The following LRMDA variants were observed in gnomAD, a reference collection of about 807,000 sequenced individuals.
The protein encoded by LRMDA is leucine-rich melanocyte differentiation-associated protein.
A neutral mutation model predicts 29.8 loss-of-function variants in LRMDA; 18 were observed. That is an observed-to-expected ratio of 0.60 (90% confidence interval 0.42 to 0.90). LRMDA has a LOEUF of 0.90. Ranked by LOEUF, LRMDA falls within the 40% of genes least tolerant of loss-of-function variation. The pLI, the probability that LRMDA is intolerant of heterozygous loss-of-function variation, is 0.00. For missense variants in LRMDA, 273 were observed against 273.9 expected, an observed-to-expected ratio of 1.00 and a Z score of 0.02; for synonymous variants, 125 against 109.4, an observed-to-expected ratio of 1.14 and a Z score of -0.89.
intron 6 of LRMDA, among the ~76,000 whole-genome samples, chr10:76,505,563 C>T (rs760084914): frequency 5.9e-5 from 9 of 151,990 alleles, no homozygotes; most frequent in Non-Finnish European, 1.3e-4. Flanking sequence ...GTTAATGCTT[C>T]TTATTGTATT....
At chr10:75,680,854 A>T (rs967119875) in intron 2 of LRMDA, among the ~76,000 whole-genome samples, 3 of 152,182 alleles carry the variant, frequency 2.0e-5, no homozygotes, top group African/African-American at 7.2e-5. Flanking sequence ...TATTAAAAAA[A>T]GTTTTCATTG....
At chr10:76,430,107 A>T (rs1842175637) in intron 6 of LRMDA, among the ~76,000 whole-genome samples, 1 of 152,210 alleles carries the variant, frequency 6.6e-6, no homozygotes, top group African/African-American at 2.4e-5. Context: ...TTTGTTTCAT[A>T]TTTAAACAGC....
intron 2 of LRMDA, among the ~76,000 whole-genome samples, chr10:75,844,264 C>G (rs1454180631): frequency 2.0e-5 from 3 of 152,152 alleles, no homozygotes; most frequent in Non-Finnish European, 4.4e-5. Flanking sequence ...TTTCGTGTGG[C>G]TTTTCTTCCC....
chr10:76,017,589 T>C (rs548081745), intron 2 of LRMDA, among the ~76,000 whole-genome samples: 1 of 152,342 alleles, frequency 6.6e-6, no homozygotes, highest in Admixed American at 6.5e-5. Context: ...GGTCTCCCAT[T>C]ACCTTCAGGA....
chr10:76,130,030 G>C (rs955331141), intron 5 of LRMDA, among the ~76,000 whole-genome samples: 1 of 151,910 alleles, frequency 6.6e-6, no homozygotes, highest in Admixed American at 6.6e-5. Context: ...TTTGTATTTT[G>C]AGGAGTACCT....
intron 5 of LRMDA, among the ~76,000 whole-genome samples, chr10:76,229,724 C>T (rs918241933): frequency 2.0e-5 from 3 of 152,002 alleles, no homozygotes; most frequent in African/African-American, 4.8e-5. Flanking sequence ...CTTCCGAGCC[C>T]GTGTCTTTGC....
Position 75,778,277 on chromosome 10 carries a change from C to T in LRMDA, c.132-257731C>T, listed in dbSNP as rs141443267. ...ATTTTTAGTAGGGACGGGGTTCCACCATGTTGGCCAAGATGATCTCGAACT... is the reference window on the plus strand; with the variant it reads ...ATTTTTAGTAGGGACGGGGTTCCACTATGTTGGCCAAGATGATCTCGAACT... On this transcript the variant is annotated intron_variant, in intron 2 of 6. Transcript: ENST00000611255. 2.9e-3 allele frequency among the ~76,000 whole-genome samples: 434 copies of T among 152,212 alleles called. 1 individual carries two copies. The highest frequency in any genetic ancestry group is 0.01 in the African/African-American group (421 of 41,532).
rs56910833 is a variant in LRMDA at position 75,552,425 on chromosome 10, T to TC, written c.131+113939dup. 4.5e-3 allele frequency: 1,092 copies of TC among 242,086 alleles called. 12 individuals are homozygous for TC. Among genetic ancestry groups the TC allele is most frequent in the African/African-American group, 0.025 (1,023 of 41,590 alleles). The allele number at this position is 242,086 out of a possible 1,614,324, so 15.0% of individuals were successfully genotyped here. On this transcript the variant is annotated intron_variant, in intron 2 of 6. Coordinates refer to ENST00000611255, the MANE Select transcript of LRMDA (RefSeq NM_001305581.2). ...AGCTTTGTTCTGTGTTTTTTTTTTT[T>TC]CCCCCCCCTCTGGCTGCTTTCAGAA...
At chr10:75,570,006 G>A (rs1176100265) in intron 2 of LRMDA, among the ~76,000 whole-genome samples, 1 of 152,140 alleles carries the variant, frequency 6.6e-6, no homozygotes, top group Non-Finnish European at 1.5e-5. Flanking sequence ...CTTTGCTTTG[G>A]GGTGTACACA....
At position 76,147,660 on chromosome 10, in the gene LRMDA, C is replaced by T. The variant is rs1010875867; in HGVS notation, c.516+88877C>T. Among the ~76,000 whole-genome samples the T allele has an allele frequency of 4.6e-5, 7 of 152,064 alleles. No homozygotes were observed. The South Asian group carries it at 1.5e-3, about 32-fold the overall frequency. On this transcript the variant is annotated intron_variant, in intron 5 of 6. Transcript: ENST00000611255. ...CTCCTGTAGCTCAGAGTAGTTTGAT[C>T]GTCTGAAGCCTTCTTCTCTCAACTC... is the stretch of plus-strand genomic sequence containing the variant.
intron 5 of LRMDA, among the ~76,000 whole-genome samples, chr10:76,187,380 C>T (rs758039905): frequency 2.0e-5 from 3 of 152,158 alleles, no homozygotes; most frequent in Non-Finnish European, 4.4e-5. Flanking sequence ...GGGCCCCTTG[C>T]TCCTTTCCTT....
chr10:76,249,613 C>T (rs1852436201), intron 5 of LRMDA, among the ~76,000 whole-genome samples: 1 of 152,128 alleles, frequency 6.6e-6, no homozygotes, highest in Non-Finnish European at 1.5e-5. Context: ...AAAATATTCA[C>T]CTTCTGACAA....
intron 2 of LRMDA, among the ~76,000 whole-genome samples, chr10:75,602,144 T>G (rs927249292): frequency 6.6e-6 from 1 of 152,022 alleles, no homozygotes; most frequent in Non-Finnish European, 1.5e-5. Context: ...CCTGAGACAT[T>G]TATAAAAATG....
chr10:76,452,835 A>T (rs1392125414), intron 6 of LRMDA, among the ~76,000 whole-genome samples: 5 of 152,226 alleles, frequency 3.3e-5, no homozygotes, highest in African/African-American at 7.2e-5. Context: ...ACTCATATTT[A>T]TCAAATAACC....
intron 2 of LRMDA, among the ~76,000 whole-genome samples, chr10:75,938,590 C>T (rs143636642): frequency 5.9e-5 from 9 of 152,266 alleles, no homozygotes; most frequent in African/African-American, 1.9e-4. Flanking sequence ...TCTGGAACTA[C>T]GAGACAGGAT....
chr10:75,799,682 G>T (rs1363227741), intron 2 of LRMDA, among the ~76,000 whole-genome samples: 2 of 46,438 alleles, frequency 4.3e-5, no homozygotes, highest in Non-Finnish European at 8.6e-5. Flanking sequence ...TCCTAGCTTT[G>T]TGTGTGTGTG....
At chr10:75,539,700 T>C (rs1238024315) in intron 2 of LRMDA, among the ~76,000 whole-genome samples, 1 of 152,216 alleles carries the variant, frequency 6.6e-6, no homozygotes, top group Non-Finnish European at 1.5e-5. Flanking sequence ...TAAATATATA[T>C]TTTCAGAAAG....
At position 76,462,950 on chromosome 10, in the gene LRMDA, C is replaced by T. The variant is rs115836335; in HGVS notation, c.602-94259C>T. Among the ~76,000 whole-genome samples the T allele has an allele frequency of 3.9e-5, 6 of 152,266 alleles. No individual in the cohort carries two copies. The East Asian group carries it at 5.8e-4, about 15-fold the overall frequency. On this transcript the variant is annotated intron_variant, in intron 6 of 6. Transcript: ENST00000611255. ...AAGTGCCTCATTCCTTCTACCCAAC[C>T]GAGGCAGTGCACAGAGCCACAATGC...
intron 2 of LRMDA, among the ~76,000 whole-genome samples, chr10:75,944,780 T>G (rs1846450829): frequency 1.3e-5 from 2 of 149,360 alleles, no homozygotes; most frequent in South Asian, 4.2e-4. Flanking sequence ...GTATATTTTA[T>G]TATAAATATT....
Sources: gnomAD v4.1 joint callset for allele counts (sites outside exome capture counted in the v4.1 genomes callset) on GRCh38, gnomAD v4.1.1 for gene constraint, MANE v1.5 for transcripts, NCBI Gene and HGNC (gene_info 2026-07-23, HGNC 2026-07-21) for gene names.